The following KAZN variants were observed in gnomAD, a reference collection of about 807,000 sequenced individuals.
KAZN encodes the protein kazrin, periplakin interacting protein.
In KAZN, 40 loss-of-function variants were observed where a neutral mutation model predicts 87.4. The ratio of observed to expected loss-of-function variants is 0.46; its 90% CI spans 0.36 to 0.60. The LOEUF (loss-of-function observed/expected upper bound fraction) is 0.60. KAZN is among the 20% of genes least tolerant of loss of function. The pLI, the probability that KAZN is intolerant of heterozygous loss-of-function variation, is 0.00. For missense variants in KAZN, 898 were observed against 1,073.9 expected, an observed-to-expected ratio of 0.84 and a Z score of 2.29; for synonymous variants, 466 against 458.3, an observed-to-expected ratio of 1.02 and a Z score of -0.22.
intron 8 of KAZN, among the ~76,000 whole-genome samples, chr1:15,088,337 C>T (rs1245639708): frequency 1.3e-5 from 2 of 151,954 alleles, no homozygotes; most frequent in Non-Finnish European, 2.9e-5. Flanking sequence ...TTAGGGGAGA[C>T]GTCAATGGTC....
chr1:14,696,475 G>A (rs1572247542), intron 1 of KAZN, among the ~76,000 whole-genome samples: 1 of 152,210 alleles, frequency 6.6e-6, no homozygotes, highest in Non-Finnish European at 1.5e-5. Context: ...GTGGAACCAG[G>A]TCATGGAGGA....
chr1:14,133,258 T>G (rs1645029141), intron 1 of KAZN, among the ~76,000 whole-genome samples: 1 of 151,248 alleles, frequency 6.6e-6, no homozygotes, highest in South Asian at 2.1e-4. Flanking sequence ...TCCCAGCTAC[T>G]TGGGAGGCTG....
intron 1 of KAZN, among the ~76,000 whole-genome samples, chr1:14,839,698 G>C (rs902533321): frequency 7.2e-5 from 11 of 152,130 alleles, no homozygotes; most frequent in African/African-American, 2.7e-4. Context: ...TCCTCAGCTA[G>C]ATTGTATCTT....
At chr1:14,505,170 T>G (rs1456909495) in intron 2 of KAZN, among the ~76,000 whole-genome samples, 2 of 152,206 alleles carry the variant, frequency 1.3e-5, no homozygotes, top group Admixed American at 6.5e-5. Context: ...AGAATAGCCA[T>G]GCTGATGGGC....
chr1:14,980,462 C>G (rs1169725612), intron 2 of KAZN, among the ~76,000 whole-genome samples: 1 of 152,100 alleles, frequency 6.6e-6, no homozygotes, highest in African/African-American at 2.4e-5. Context: ...GCAGGCTGGA[C>G]GTTCGTGCTA....
chr1:14,201,098 G>A (rs190174473), intron 2 of KAZN, among the ~76,000 whole-genome samples: 2 of 152,316 alleles, frequency 1.3e-5, no homozygotes, highest in Admixed American at 1.3e-4. Flanking sequence ...AATGAATGAT[G>A]AGCAAAGATG....
At position 14,285,992 on chromosome 1, in the gene KAZN, A is replaced by G. The variant is rs529118497; in HGVS notation, c.249+105400A>G. 7.9e-5 allele frequency among the ~76,000 whole-genome samples: 12 copies of G among 152,044 alleles called. No individual in the cohort carries two copies. In the East Asian group the frequency reaches 1.9e-3, roughly 25 times the overall value. The stretch of plus-strand genomic sequence containing the variant: ...ATCAAGAATGCACAGGGGCTCAAGA[A>G]CTACACCCTTGTTCCCTCTCTTACG... On this transcript the variant is annotated intron_variant, in intron 2 of 16. Coordinates refer to the KAZN transcript ENST00000636203.
chr1:15,094,702 T>G lies in KAZN; in HGVS notation c.1429-113T>G. ...TTCCATGTGCCCTGACCCCACTGTA[T>G]GAAAGGTGGGCAGGAGATGGGGAAG... On this transcript the variant is annotated intron_variant, in intron 9 of 14. Coordinates refer to ENST00000376030, the MANE Select transcript of KAZN (RefSeq NM_201628.3). The surrounding 1 kb of genome is among the most constrained non-coding windows in gnomAD (Gnocchi z 4.5). 1.3e-6 allele frequency: 1 copy of G among 751,100 alleles called. No homozygotes were observed. The allele number at this position is 751,100 out of a possible 1,614,324, so 46.5% of individuals were successfully genotyped here. A position where few individuals can be genotyped will look rare whatever the true frequency, so the allele number is the denominator to read the frequency against.
intron 2 of KAZN, among the ~76,000 whole-genome samples, chr1:14,505,631 G>A (rs1670541755): frequency 6.6e-6 from 1 of 152,114 alleles, no homozygotes; most frequent in African/African-American, 2.4e-5. Context: ...CAGCAGGAGG[G>A]GAGAATGAGA....
At chr1:14,644,869 C>T (rs915665411) in intron 1 of KAZN, among the ~76,000 whole-genome samples, 3 of 152,124 alleles carry the variant, frequency 2.0e-5, no homozygotes, top group Non-Finnish European at 1.5e-5. Flanking sequence ...GTCGTGAAAT[C>T]GTTGCCTGTT....
chr1:14,666,521 C>T (rs1033712535), intron 1 of KAZN, among the ~76,000 whole-genome samples: 1 of 152,140 alleles, frequency 6.6e-6, no homozygotes, highest in Non-Finnish European at 1.5e-5. Context: ...AATTGAATCA[C>T]TTAAGGCAGC....
chr1:14,887,666 GTTT>G (rs79148240), intron 1 of KAZN, among the ~76,000 whole-genome samples: 4 of 137,206 alleles, frequency 2.9e-5, no homozygotes, highest in African/African-American at 2.7e-5. Flanking sequence ...CGTCGTGGTA[GTTT>G]TTTTTTTTTT....
intron 2 of KAZN, among the ~76,000 whole-genome samples, chr1:14,413,372 C>T (rs1447405854): frequency 6.6e-6 from 1 of 151,772 alleles, no homozygotes; most frequent in African/African-American, 2.4e-5. Context: ...GGGCGGATCA[C>T]GAGGTCAGGA....
chr1:14,230,943 T>C (rs1223422134), intron 2 of KAZN, among the ~76,000 whole-genome samples: 1 of 152,162 alleles, frequency 6.6e-6, no homozygotes, highest in Non-Finnish European at 1.5e-5. Context: ...GGTTACTTCA[T>C]CCTGGAAACC....
At chr1:14,713,310 A>G (rs1247740288) in intron 1 of KAZN, among the ~76,000 whole-genome samples, 1 of 152,190 alleles carries the variant, frequency 6.6e-6, no homozygotes, top group Non-Finnish European at 1.5e-5. Flanking sequence ...TCATGTGGCC[A>G]CGTCCAGGTG....
chr1:14,265,448 G>A (rs1651400604), intron 2 of KAZN, among the ~76,000 whole-genome samples: 1 of 152,222 alleles, frequency 6.6e-6, no homozygotes, highest in African/African-American at 2.4e-5. Flanking sequence ...CAAGGTTGCT[G>A]GCTGCATGGT....
chr1:14,532,313 T>G (rs898414130), intron 2 of KAZN, among the ~76,000 whole-genome samples: 11 of 152,192 alleles, frequency 7.2e-5, no homozygotes, highest in Middle Eastern at 3.4e-3. Context: ...TCGTGATGCT[T>G]AAGTCCTGTC....
intron 2 of KAZN, among the ~76,000 whole-genome samples, chr1:14,476,620 G>A (rs937126152): frequency 2.0e-5 from 3 of 152,176 alleles, no homozygotes; most frequent in African/African-American, 7.2e-5. Context: ...GAAATTTTAA[G>A]AGTTAGTATA....
chr1:13,953,096 A>G (rs1023389919), intron 1 of KAZN, among the ~76,000 whole-genome samples: 1 of 152,122 alleles, frequency 6.6e-6, no homozygotes, highest in Non-Finnish European at 1.5e-5. Context: ...GGTGGGAACT[A>G]CAGAACGGCC....
Sources: allele counts gnomAD v4.1 joint callset (sites outside exome capture counted in the v4.1 genomes callset), GRCh38; gene constraint gnomAD v4.1.1; non-coding constraint Gnocchi (gnomAD v3.1); transcripts MANE v1.5; gene names NCBI Gene and HGNC (gene_info 2026-07-23, HGNC 2026-07-21).